Variants in MAP2K5 observed in about 807,000 individuals in gnomAD.
MAP2K5 encodes the protein dual specificity mitogen-activated protein kinase kinase 5.
A neutral mutation model predicts 83.1 loss-of-function variants in MAP2K5; 49 were observed. The ratio of observed to expected loss-of-function variants is 0.59; its 90% CI spans 0.47 to 0.75. The LOEUF is 0.75. MAP2K5 is among the 30% of genes least tolerant of loss of function. The probability of loss-of-function intolerance (pLI) is 0.00; values close to 1 mark genes in which losing one functional copy is unlikely to be tolerated. For missense variants in MAP2K5, 457 were observed against 557.5 expected (o/e 0.82, Z 1.82); for synonymous variants, 202 against 191.8 (o/e 1.05, Z -0.44).
rs2084809795 is a variant in MAP2K5, at chr15:67,565,030, A to C, written c.252+1680A>C. On this transcript the variant is annotated intron_variant, in intron 3 of 21. Transcript: ENST00000178640. The surrounding 1 kb of genome is among the most constrained non-coding windows in gnomAD (Gnocchi z 4.1). ...TTTTAGTTTTAATAATCACTCTGTA[A>C]GACAGATATTATCATCCTTATTTTT... Among the ~76,000 whole-genome samples the C allele has an allele frequency of 6.6e-6, 1 of 152,180 alleles. No homozygotes were observed. The highest frequency in any genetic ancestry group is 2.1e-4 in the South Asian group (1 of 4,832).
chr15:67,592,834 T>C (rs2085444118), intron 6 of MAP2K5, 92 bp from the exon 7 acceptor site: 2 of 879,712 alleles, frequency 2.3e-6, no homozygotes, highest in Non-Finnish European at 3.7e-6. Flanking sequence ...AATCCCTATA[T>C]GTAAAAGCAA....
At chr15:67,584,227 G>A (rs749147675) in intron 4 of MAP2K5, among the ~76,000 whole-genome samples, 1 of 152,204 alleles carries the variant, frequency 6.6e-6, no homozygotes, top group Non-Finnish European at 1.5e-5. Context: ...GAAATATGAG[G>A]TTACTGGGTT....
chr15:67,566,385 A>G (rs531782657), intron 3 of MAP2K5, among the ~76,000 whole-genome samples: 1 of 152,252 alleles, frequency 6.6e-6, no homozygotes, highest in Admixed American at 6.5e-5. Flanking sequence ...GATATTGGCC[A>G]GGCTGGTCTC....
At position 67,543,038 on chromosome 15, in the gene MAP2K5, A is replaced by G. The variant is rs1416238951; in HGVS notation, c.-298A>G. The G allele has an allele frequency of 4.6e-6, 2 of 436,364 alleles. No individual in the cohort carries two copies. Among genetic ancestry groups the G allele is most frequent in the Non-Finnish European group, 8.5e-6 (2 of 236,036 alleles). 27.0% of individuals were successfully genotyped at this position (436,364 alleles called of 1,614,324 possible). ...CCACACGGCGGCAGAGACCTTCACC[A>G]TAGCGTTCGCTCAACTCCAGAACCT... On this transcript the variant is annotated 5_prime_UTR_variant, in exon 1 of 22. Coordinates refer to ENST00000178640, the MANE Select transcript of MAP2K5 (RefSeq NM_145160.3). This position sits in a 1 kb window ranked among gnomAD's most constrained non-coding sequence, Gnocchi z 4.3.
rs997295 is a variant in MAP2K5 at position 67,724,005 on chromosome 15, G to T, written c.1045-3911G>T. ...TACAGTGCAACTCATAAGCAAATGA[G>T]TTTTTTCCTAGTTTTAAACCAAACC... On this transcript the variant is annotated intron_variant, in intron 16 of 21. Transcript: ENST00000178640. The surrounding 1 kb of genome is among the most constrained non-coding windows in gnomAD (Gnocchi z 4.4). Among the ~76,000 whole-genome samples the T allele has an allele frequency of 0.55, 83,602 of 152,014 alleles. 23,705 individuals carry two copies. The highest frequency in any genetic ancestry group is 0.6 in the Non-Finnish European group (40,984 of 67,964).
Position 67,577,554 on chromosome 15 carries a change from G to GT in MAP2K5, c.253-3193dup, listed in dbSNP as rs2085091645. Among the ~76,000 whole-genome samples the GT allele has an allele frequency of 6.6e-6, 1 of 151,994 alleles. No homozygotes were observed. The highest frequency in any genetic ancestry group is 1.5e-5 in the Non-Finnish European group (1 of 67,986). ...ATCTTAGTGTACAAAGTTTAGGGGT[G>GT]TTTTTTTGGTCGTTGCTGTTTGTTT... On this transcript the variant is annotated intron_variant, in intron 3 of 21. Coordinates refer to ENST00000178640, the MANE Select transcript of MAP2K5 (RefSeq NM_145160.3). The surrounding 1 kb of genome is among the most constrained non-coding windows in gnomAD (Gnocchi z 4.1).
intron 17 of MAP2K5, among the ~76,000 whole-genome samples, chr15:67,740,338 TA>T (rs1214993335): frequency 6.6e-6 from 1 of 152,246 alleles, no homozygotes; most frequent in Non-Finnish European, 1.5e-5. Flanking sequence ...CCTGAGGCTC[TA>T]AATCAATTGT....
intron 15 of MAP2K5, among the ~76,000 whole-genome samples, chr15:67,701,818 G>C (rs1255340819): frequency 6.6e-6 from 1 of 152,174 alleles, no homozygotes; most frequent in African/African-American, 2.4e-5. Flanking sequence ...GAGAAATACT[G>C]ACCAGCTCAA....
intron 21 of MAP2K5, among the ~76,000 whole-genome samples, chr15:67,805,350 G>A (rs1365522824): frequency 6.6e-6 from 1 of 152,232 alleles, no homozygotes; most frequent in Non-Finnish European, 1.5e-5. Context: ...GGTCCAGAGG[G>A]GCCATGCCGT....
Position 67,543,481 on chromosome 15 carries a change from A to G in MAP2K5, c.135+11A>G. ...TTCAGGGATGTGCTGGTGAGTGGTA[A>G]TCTCAGTGTCCGGATGCCAGCAAGG... On this transcript the variant is annotated intron_variant, in intron 1 of 21. Coordinates refer to ENST00000178640, the MANE Select transcript of MAP2K5 (RefSeq NM_145160.3). This position sits in a 1 kb window ranked among gnomAD's most constrained non-coding sequence, Gnocchi z 4.3. 10 of 1,614,030 alleles carry G rather than the reference A, an allele frequency of 6.2e-6. No individual in the cohort carries two copies. Among genetic ancestry groups the G allele is most frequent in the Non-Finnish European group, 8.5e-6 (10 of 1,179,980 alleles).
chr15:67,660,261 G>C (rs1021233684), intron 12 of MAP2K5, among the ~76,000 whole-genome samples: 1 of 151,378 alleles, frequency 6.6e-6, no homozygotes, highest in Non-Finnish European at 1.5e-5. Flanking sequence ...GCCTGGGTTT[G>C]TATAATGCCT....
rs1298472758 is a variant in MAP2K5, at chr15:67,565,760, T to G, written c.252+2410T>G. 6.6e-6 allele frequency among the ~76,000 whole-genome samples: 1 copy of G among 152,162 alleles called. No homozygotes were observed. Among genetic ancestry groups the G allele is most frequent in the Admixed American group, 6.5e-5 (1 of 15,276 alleles). On this transcript the variant is annotated intron_variant, in intron 3 of 21. Coordinates refer to ENST00000178640, the MANE Select transcript of MAP2K5 (RefSeq NM_145160.3). The surrounding 1 kb of genome is among the most constrained non-coding windows in gnomAD (Gnocchi z 4.1). ...TTTATCTGAATAGAAGTCATCTATC[T>G]CATTGATGAGATAATTTAAAAAAAT... is the stretch of plus-strand genomic sequence containing the variant.
At chr15:67,685,396 G>A (rs1189490835) in intron 13 of MAP2K5, among the ~76,000 whole-genome samples, 1 of 152,018 alleles carries the variant, frequency 6.6e-6, no homozygotes, top group Admixed American at 6.6e-5. Flanking sequence ...TTTTTCAGAT[G>A]AATATGAGAG....
At chr15:67,715,353 G>C (rs1234843490) in intron 16 of MAP2K5, among the ~76,000 whole-genome samples, 1 of 152,182 alleles carries the variant, frequency 6.6e-6, no homozygotes, top group Non-Finnish European at 1.5e-5. Context: ...GGATCCAGCT[G>C]TCTCATATTA....
intron 8 of MAP2K5, among the ~76,000 whole-genome samples, chr15:67,624,666 G>A (rs2086273797): frequency 6.6e-6 from 1 of 150,870 alleles, no homozygotes; most frequent in Non-Finnish European, 1.5e-5. Flanking sequence ...TTTCGCTCTT[G>A]TTTCCCAGGC....
Position 67,738,209 on chromosome 15 carries a change from C to T in MAP2K5, c.1075-10022C>T, listed in dbSNP as rs2089388107. On this transcript the variant is annotated intron_variant, in intron 17 of 21. Transcript: ENST00000178640. The surrounding 1 kb of genome is among the most constrained non-coding windows in gnomAD (Gnocchi z 4.1). ...CCTACAGGTTCAGAGGAGGAGAGAC[C>T]AAAGGGGTAATGAAGCTTGTCTTGT... Among the ~76,000 whole-genome samples, 1 of 152,068 alleles carries T rather than the reference C, an allele frequency of 6.6e-6. No homozygotes were observed. The highest frequency in any genetic ancestry group is 2.4e-5 in the African/African-American group (1 of 41,402).
rs2087701669 is a variant in MAP2K5 at position 67,677,109 on chromosome 15, T to G, written c.847+12464T>G. Among the ~76,000 whole-genome samples the G allele has an allele frequency of 6.6e-6, 1 of 152,202 alleles. No homozygotes were observed. Among genetic ancestry groups the G allele is most frequent in the African/African-American group, 2.4e-5 (1 of 41,454 alleles). On this transcript the variant is annotated intron_variant, in intron 13 of 21. Transcript: ENST00000178640. This position sits in a 1 kb window ranked among gnomAD's most constrained non-coding sequence, Gnocchi z 4.2. ...AAATTAGCCTGTGAGTATAAAGAACTTAAAACATCTGGGCTATTTTCTTTG... is the reference window on the plus strand; with the variant it reads ...AAATTAGCCTGTGAGTATAAAGAACGTAAAACATCTGGGCTATTTTCTTTG...
chr15:67,767,744 T>G lies in MAP2K5; in HGVS notation c.1135-1858T>G, dbSNP rs967360304. ...CATTTTATATACCTTTATTGAGGAC[T>G]TGTCATGCTATTTTGTGTCTTGTTT... On this transcript the variant is annotated intron_variant, in intron 19 of 21. Transcript: ENST00000178640. Among the ~76,000 whole-genome samples the G allele has an allele frequency of 3.3e-5, 5 of 152,318 alleles. 1 individual carries two copies. The highest frequency in any genetic ancestry group is 2.0e-4 in the Admixed American group (3 of 15,296).
chr15:67,575,634 T>G (rs915832926), intron 3 of MAP2K5, among the ~76,000 whole-genome samples: 1 of 152,180 alleles, frequency 6.6e-6, no homozygotes, highest in Non-Finnish European at 1.5e-5. Context: ...GCAATAAATA[T>G]ACGTTTTATG....
Sources: allele counts gnomAD v4.1 joint callset (sites outside exome capture counted in the v4.1 genomes callset), GRCh38; gene constraint gnomAD v4.1.1; non-coding constraint Gnocchi (gnomAD v3.1); transcripts MANE v1.5; gene names NCBI Gene and HGNC (gene_info 2026-07-23, HGNC 2026-07-21).